SYNE1: variants seen among roughly 807,000 people sequenced by gnomAD.
SYNE1 encodes nesprin-1.
A neutral mutation model predicts 1,111.0 loss-of-function variants in SYNE1; 616 were observed. The ratio of observed to expected loss-of-function variants is 0.55; its 90% CI spans 0.52 to 0.59. The LOEUF (loss-of-function observed/expected upper bound fraction) is 0.59, where lower values mean the gene tolerates loss of function less well. SYNE1 is among the 20% of genes least tolerant of loss of function. The probability of loss-of-function intolerance (pLI) is 0.00; values close to 1 mark genes in which losing one functional copy is unlikely to be tolerated. For missense variants in SYNE1, 10,006 were observed against 10,417.0 expected (o/e 0.96, Z 1.72); for synonymous variants, 3,855 against 3,825.8 (o/e 1.01, Z -0.28).
chr6:152,538,212 G>T (rs2099252944), intron 4 of SYNE1, among the ~76,000 whole-genome samples: 1 of 152,156 alleles, frequency 6.6e-6, no homozygotes, highest in South Asian at 2.1e-4. Context: ...ATCCTAAGAA[G>T]AAAATATCAT....
At chr6:152,541,441 T>C (rs2099269028) in intron 3 of SYNE1, among the ~76,000 whole-genome samples, 1 of 152,110 alleles carries the variant, frequency 6.6e-6, no homozygotes, top group Non-Finnish European at 1.5e-5. Flanking sequence ...TTACAAGTTG[T>C]TGGTGTATAG....
At chr6:152,223,236 G>A (rs7382254) in intron 117 of SYNE1, among the ~76,000 whole-genome samples, 15,152 of 152,166 alleles carry the variant, frequency 0.1, 980 homozygotes, top group Admixed American at 0.19. Flanking sequence ...AGAAGTTTTC[G>A]TGATCCTTAG....
intron 3 of SYNE1, among the ~76,000 whole-genome samples, chr6:152,583,936 A>G (rs1431141906): frequency 6.6e-6 from 1 of 152,202 alleles, no homozygotes; most frequent in Non-Finnish European, 1.5e-5. Flanking sequence ...ATAGCCACAC[A>G]AGGAAGGAGA....
At chr6:152,543,720 G>C (rs1396154165) in intron 3 of SYNE1, among the ~76,000 whole-genome samples, 1 of 152,174 alleles carries the variant, frequency 6.6e-6, no homozygotes, top group African/African-American at 2.4e-5. Context: ...AAAAATTCCA[G>C]TTGTCTAGTG....
At chr6:152,191,645 C>CT (rs937458563) in intron 127 of SYNE1, among the ~76,000 whole-genome samples, 18 of 151,936 alleles carry the variant, frequency 1.2e-4, no homozygotes, top group African/African-American at 4.3e-4. Context: ...TAGATCTTCT[C>CT]TTTTTTTCTT....
At chr6:152,477,163 A>G (rs1593492560) in intron 14 of SYNE1, among the ~76,000 whole-genome samples, 2 of 152,296 alleles carry the variant, frequency 1.3e-5, no homozygotes, top group East Asian at 3.9e-4. Context: ...ATATGGGGAG[A>G]CAACAGTGAA....
At chr6:152,376,167 T>A in intron 58 of SYNE1, 1 of 554,464 alleles carries the variant, frequency 1.8e-6, no homozygotes. Flanking sequence ...TTCAGGCTCC[T>A]ATGAGAATCT....
At chr6:152,427,990 A>G (rs2098386046) in intron 37 of SYNE1, among the ~76,000 whole-genome samples, 174 bp from the exon 38 acceptor site, 1 of 152,092 alleles carries the variant, frequency 6.6e-6, no homozygotes, top group East Asian at 1.9e-4. Context: ...GTGTCCCTGC[A>G]CTCACATTTA....
chr6:152,237,292 C>T (rs1204470284), intron 108 of SYNE1, among the ~76,000 whole-genome samples: 2 of 144,832 alleles, frequency 1.4e-5, no homozygotes, highest in African/African-American at 5.1e-5. Context: ...AGTGTACCTT[C>T]TATTGGGTAT....
At chr6:152,397,486 G>T (rs549184029) in intron 49 of SYNE1, among the ~76,000 whole-genome samples, 1 of 152,162 alleles carries the variant, frequency 6.6e-6, no homozygotes, top group African/African-American at 2.4e-5. Context: ...GAGCTCTAGA[G>T]TGGTATGTCA....
At chr6:152,510,928 C>A in intron 7 of SYNE1, 83 bp downstream of exon 7, 3 of 1,224,878 alleles carry the variant, frequency 2.4e-6, no homozygotes, top group South Asian at 1.2e-5. Context: ...AAAGATATGG[C>A]AAATGAGAGC....
At chr6:152,443,499 C>T (rs912668342) in intron 30 of SYNE1, among the ~76,000 whole-genome samples, 9 of 152,126 alleles carry the variant, frequency 5.9e-5, no homozygotes, top group Non-Finnish European at 8.8e-5. Context: ...CTGCTGACCT[C>T]GTGATGCGCC....
intron 3 of SYNE1, among the ~76,000 whole-genome samples, chr6:152,623,605 T>A (rs1198600964): frequency 1.3e-5 from 2 of 152,068 alleles, no homozygotes; most frequent in Admixed American, 6.6e-5. Context: ...TGGGAGAAAA[T>A]TTTTGCAAAC....
chr6:152,193,710 C>T (rs1440721494), intron 127 of SYNE1, among the ~76,000 whole-genome samples: 1 of 151,980 alleles, frequency 6.6e-6, no homozygotes, highest in Non-Finnish European at 1.5e-5. Flanking sequence ...CATCTTTCTA[C>T]TTAAGGTATA....
intron 107 of SYNE1, among the ~76,000 whole-genome samples, chr6:152,241,527 T>TGTGTGTGTGTGTGTGTGTGTGTGAGA (rs59737931): frequency 1.4e-5 from 2 of 145,032 alleles, no homozygotes; most frequent in Non-Finnish European, 3.0e-5. Context: ...TGTGTGTGTG[T>TGTGTGTGTGTGTGTGTGTGTGTGAGA]GTGAAATACG....
chr6:152,467,723 G>A (rs2098779522), intron 16 of SYNE1, among the ~76,000 whole-genome samples: 1 of 152,126 alleles, frequency 6.6e-6, no homozygotes, highest in Non-Finnish European at 1.5e-5. Flanking sequence ...TATAAATGCT[G>A]TAGACACTCA....
intron 124 of SYNE1, among the ~76,000 whole-genome samples, chr6:152,210,532 G>T (rs1393300785): frequency 6.6e-6 from 1 of 152,054 alleles, no homozygotes; most frequent in Admixed American, 6.6e-5. Context: ...GATCTTTTAT[G>T]TACTTCCAAA....
chr6:152,458,986 A>T, intron 21 of SYNE1, 56 bp from the exon 22 acceptor site: 1 of 1,508,458 alleles, frequency 6.6e-7, no homozygotes, highest in Non-Finnish European at 9.2e-7. Flanking sequence ...CCACTAGCTC[A>T]GGGAACGTTC....
chr6:152,462,762 G>C lies in SYNE1; in HGVS notation c.2226C>G (p.Val742=). 6.2e-7 allele frequency: 1 copy of C among 1,614,018 alleles called. No individual in the cohort carries two copies. Among genetic ancestry groups the C allele is most frequent in the South Asian group, 1.1e-5 (1 of 91,076 alleles). ...SEPLEVSFMN[V]KLLIQDLEDI... is the part of the protein sequence containing the mutation. ...CCTCCAAGTCTTGAATTAATAGCTTGACATTCATAAAAGAGACTTCTAAGG... is the reference window on the plus strand; with the variant it reads ...CCTCCAAGTCTTGAATTAATAGCTTCACATTCATAAAAGAGACTTCTAAGG... The change falls in exon 20 of 146, where the codon GTC becomes GTG. Residue 742 remains valine (V), a synonymous_variant. Coordinates refer to ENST00000367255, the MANE Select transcript of SYNE1 (RefSeq NM_182961.4).
Sources: allele counts gnomAD v4.1 joint callset (sites outside exome capture counted in the v4.1 genomes callset), GRCh38; gene constraint gnomAD v4.1.1; transcripts MANE v1.5; gene names NCBI Gene and HGNC (gene_info 2026-07-23, HGNC 2026-07-21).